CPE: variants seen among roughly 807,000 people sequenced by gnomAD.
CPE encodes the protein carboxypeptidase E, also known as carbocypeptidase E.
Under a neutral mutation model 53.5 loss-of-function variants are expected in CPE, and 17 were observed. The observed-to-expected ratio is 0.32, with a 90% confidence interval of 0.22 to 0.48. The LOEUF (loss-of-function observed/expected upper bound fraction) is 0.48, where lower values mean the gene tolerates loss of function less well. CPE is among the 20% of genes least tolerant of loss of function. The pLI is 0.99. For missense variants in CPE, 524 were observed against 614.7 expected, an observed-to-expected ratio of 0.85 and a Z score of 1.56; for synonymous variants, 226 against 228.8, an observed-to-expected ratio of 0.99 and a Z score of 0.11.
chr4:165,441,893 C>T (rs1731616764), intron 1 of CPE, among the ~76,000 whole-genome samples: 1 of 152,140 alleles, frequency 6.6e-6, no homozygotes, highest in Non-Finnish European at 1.5e-5. Flanking sequence ...AGTAGGAATG[C>T]ATTCATATTT....
chr4:165,456,100 A>G (rs1731896823), intron 1 of CPE, among the ~76,000 whole-genome samples: 1 of 152,226 alleles, frequency 6.6e-6, no homozygotes, highest in African/African-American at 2.4e-5. Context: ...AATGGAAATT[A>G]TATTGCCTTT....
chr4:165,493,274 G>T lies in CPE; in HGVS notation c.1213+4G>T. The T allele has an allele frequency of 6.2e-7, 1 of 1,604,964 alleles. No individual in the cohort carries two copies. Among genetic ancestry groups the T allele is most frequent in the Non-Finnish European group, 8.5e-7 (1 of 1,172,096 alleles). ...ATAGACCACGATGTTACATCCGGTGGGTCTTTGCCACAATTGGAGGCTCTA... is the reference window on the plus strand; with the variant it reads ...ATAGACCACGATGTTACATCCGGTGTGTCTTTGCCACAATTGGAGGCTCTA... On this transcript the variant is annotated splice_donor_region_variant and intron_variant, in intron 7 of 8. Transcript: ENST00000402744.
rs538854821 is a variant in CPE, at chr4:165,452,445, A to T, written c.308-11945A>T. Among the ~76,000 whole-genome samples, 4 of 152,324 alleles carry T rather than the reference A, an allele frequency of 2.6e-5. No individual in the cohort carries two copies. In the South Asian group the frequency reaches 8.3e-4, roughly 32 times the overall value. On this transcript the variant is annotated intron_variant, in intron 1 of 8. Transcript: ENST00000402744. Reference sequence around the variant, plus strand: ...TACAACTATGATATACCATTAAAAAAAGAAAATAAACCTGTGTATAGGCAT... The same window carrying T: ...TACAACTATGATATACCATTAAAAATAGAAAATAAACCTGTGTATAGGCAT...
At chr4:165,412,961 C>T (rs1731064301) in intron 1 of CPE, among the ~76,000 whole-genome samples, 1 of 152,222 alleles carries the variant, frequency 6.6e-6, no homozygotes, top group South Asian at 2.1e-4. Flanking sequence ...CTCACTGTTA[C>T]ACCTAGAATC....
intron 3 of CPE, among the ~76,000 whole-genome samples, chr4:165,479,991 CAAA>C (rs80059796): frequency 6.3e-5 from 4 of 63,756 alleles, no homozygotes; most frequent in Non-Finnish European, 9.9e-5. Context: ...GACTCCGCCT[CAAA>C]AAAAAAAAAA....
chr4:165,474,317 C>A (rs116434163), intron 3 of CPE, among the ~76,000 whole-genome samples: 1 of 152,082 alleles, frequency 6.6e-6, no homozygotes, highest in East Asian at 1.9e-4. Context: ...TTAGGCCAAA[C>A]GATATTACAA....
chr4:165,416,874 A>C (rs1731134012), intron 1 of CPE, among the ~76,000 whole-genome samples: 2 of 152,026 alleles, frequency 1.3e-5, no homozygotes, highest in South Asian at 2.1e-4. Flanking sequence ...CCTGGCACAC[A>C]GTGGGGACTC....
At chr4:165,419,293 C>T (rs1731170084) in intron 1 of CPE, among the ~76,000 whole-genome samples, 1 of 152,052 alleles carries the variant, frequency 6.6e-6, no homozygotes, top group African/African-American at 2.4e-5. Context: ...TAAGTTTAGA[C>T]GTGTAAAGTA....
rs1732062656 is a variant in CPE at position 165,464,373 on chromosome 4, A to G, written c.308-17A>G. ...ATGTCATAGAAAACATCTCCATGCTATCTATTAATCTTTTAGGTGAGCCTG... is the reference window on the plus strand; with the variant it reads ...ATGTCATAGAAAACATCTCCATGCTGTCTATTAATCTTTTAGGTGAGCCTG... On this transcript the variant is annotated splice_polypyrimidine_tract_variant and intron_variant, in intron 1 of 8. Transcript: ENST00000402744. The G allele has an allele frequency of 6.4e-7, 1 of 1,566,308 alleles. No homozygotes were observed. Among genetic ancestry groups the G allele is most frequent in the Non-Finnish European group, 8.7e-7 (1 of 1,150,802 alleles).
intron 3 of CPE, among the ~76,000 whole-genome samples, chr4:165,478,832 T>A (rs1253518867): frequency 6.6e-6 from 1 of 152,154 alleles, no homozygotes; most frequent in East Asian, 1.9e-4. Context: ...GTATTTTCCT[T>A]ACCCCCGACA....
intron 1 of CPE, among the ~76,000 whole-genome samples, chr4:165,451,219 G>A (rs998458294): frequency 6.6e-6 from 1 of 152,136 alleles, no homozygotes; most frequent in Non-Finnish European, 1.5e-5. Context: ...CTATATTCCT[G>A]GAAGGATTGC....
intron 1 of CPE, among the ~76,000 whole-genome samples, chr4:165,449,347 C>T (rs1037012281): frequency 6.6e-6 from 1 of 152,164 alleles, no homozygotes; most frequent in East Asian, 1.9e-4. Context: ...ACGGGTGACA[C>T]CAAAAATGTT....
At chr4:165,393,304 T>C (rs1012910525) in intron 1 of CPE, among the ~76,000 whole-genome samples, 3 of 152,328 alleles carry the variant, frequency 2.0e-5, no homozygotes, top group African/African-American at 7.2e-5. Flanking sequence ...ATAATGATCA[T>C]GCAGTTTGTC....
intron 1 of CPE, among the ~76,000 whole-genome samples, chr4:165,439,871 A>ATC (rs543259715): frequency 2.6e-4 from 40 of 152,316 alleles, no homozygotes; most frequent in African/African-American, 9.1e-4. Flanking sequence ...AACCGATAGC[A>ATC]TGATGAGAGG....
intron 1 of CPE, chr4:165,405,141 A>G (rs1230277026): frequency 1.1e-5 from 8 of 761,870 alleles, no homozygotes; most frequent in South Asian, 4.2e-5. Context: ...TTGTCATTCA[A>G]TCCTTTGAAC....
intron 1 of CPE, among the ~76,000 whole-genome samples, chr4:165,459,820 G>A (rs1015936474): frequency 1.3e-5 from 2 of 151,086 alleles, no homozygotes; most frequent in Non-Finnish European, 2.9e-5. Context: ...GGAGGCTGAG[G>A]CAGAAGAATT....
chr4:165,471,729 A>C (rs1373814132), intron 3 of CPE, among the ~76,000 whole-genome samples: 1 of 152,208 alleles, frequency 6.6e-6, no homozygotes, highest in Non-Finnish European at 1.5e-5. Flanking sequence ...GGCCTGTCAG[A>C]AAGTGACATT....
intron 1 of CPE, among the ~76,000 whole-genome samples, chr4:165,446,374 A>G (rs1731714007): frequency 6.6e-6 from 1 of 150,578 alleles, no homozygotes; most frequent in African/African-American, 2.5e-5. Context: ...ATTAAGAAAC[A>G]TAGAAACAAC....
chr4:165,417,252 T>C (rs1485230181), intron 1 of CPE, among the ~76,000 whole-genome samples: 2 of 151,982 alleles, frequency 1.3e-5, no homozygotes, highest in African/African-American at 4.8e-5. Flanking sequence ...AAAAAATGAG[T>C]AAATTTCCTA....
Sources: allele counts gnomAD v4.1 joint callset (sites outside exome capture counted in the v4.1 genomes callset), GRCh38; gene constraint gnomAD v4.1.1; transcripts MANE v1.5; gene names NCBI Gene and HGNC (gene_info 2026-07-23, HGNC 2026-07-21).